CILK1: variants seen among roughly 807,000 people sequenced by gnomAD.
CILK1 encodes serine/threonine-protein kinase ICK.
A neutral mutation model predicts 79.2 loss-of-function variants in CILK1; 47 were observed. The observed-to-expected ratio is 0.59, with a 90% CI of 0.47 to 0.76. CILK1 has a LOEUF of 0.76. CILK1 is among the 30% of genes least tolerant of loss of function. The pLI is 0.00. For synonymous variants in CILK1, 266 were observed against 275.9 expected, an observed-to-expected ratio of 0.96 and a Z score of 0.36; for missense variants, 660 against 769.5, an observed-to-expected ratio of 0.86 and a Z score of 1.68.
At chr6:53,033,656 T>C (rs1011783244) in intron 3 of CILK1, among the ~76,000 whole-genome samples, 1 of 152,130 alleles carries the variant, frequency 6.6e-6, no homozygotes, top group Non-Finnish European at 1.5e-5. Flanking sequence ...AGTCCAATAT[T>C]AAGTTATCTT....
rs190272436 is a variant in CILK1 at position 53,040,692 on chromosome 6, T to C, written c.101+444A>G. Among the ~76,000 whole-genome samples, 94 of 152,312 alleles carry C rather than the reference T, an allele frequency of 6.2e-4. 2 individuals are homozygous for C. Among genetic ancestry groups the C allele is most frequent in the Admixed American group, 5.7e-3 (87 of 15,300 alleles). On this transcript the variant is annotated intron_variant, in intron 2 of 13. Coordinates refer to ENST00000676107, the MANE Select transcript of CILK1 (RefSeq NM_014920.5). ...TTAAACAACTAAGTCTTGGAGTAAA[T>C]TGTTACACAATAACAGATAACTAAT... is the stretch of plus-strand genomic sequence containing the variant.
intron 5 of CILK1, among the ~76,000 whole-genome samples, chr6:53,019,832 G>GTT (rs11308649): frequency 1.1e-4 from 16 of 140,112 alleles, no homozygotes; most frequent in Non-Finnish European, 2.0e-4. Context: ...TAGTTTTTTT[G>GTT]TTTTTTTTTT....
intron 7 of CILK1, among the ~76,000 whole-genome samples, chr6:53,016,940 T>G (rs1442265841): frequency 6.6e-6 from 1 of 152,254 alleles, no homozygotes; most frequent in Non-Finnish European, 1.5e-5. Context: ...CTTTTATCGT[T>G]CATTCACTTG....
intron 5 of CILK1, among the ~76,000 whole-genome samples, chr6:53,026,184 A>C (rs1230438518): frequency 1.3e-5 from 2 of 152,070 alleles, no homozygotes; most frequent in Non-Finnish European, 2.9e-5. Flanking sequence ...TTTTGTTTTG[A>C]GACAGAGTCT....
chr6:53,052,447 T>C (rs1767546864), intron 1 of CILK1, among the ~76,000 whole-genome samples: 1 of 152,034 alleles, frequency 6.6e-6, no homozygotes, highest in South Asian at 2.1e-4. Flanking sequence ...AAATAGGGAA[T>C]TTCGGCAGGG....
chr6:53,027,670 C>T (rs554007287), intron 5 of CILK1, among the ~76,000 whole-genome samples: 19 of 152,274 alleles, frequency 1.2e-4, no homozygotes, highest in African/African-American at 4.6e-4. Flanking sequence ...CAATACCATA[C>T]AAAAACCATT....
At chr6:53,016,390 T>C (rs576383657) in intron 7 of CILK1, 140 bp from the exon 8 acceptor site, 1 of 746,590 alleles carries the variant, frequency 1.3e-6, no homozygotes, top group African/African-American at 1.7e-5. Flanking sequence ...TTCACTACTG[T>C]GGCACTGTAT....
chr6:53,047,790 G>C (rs1021403172), intron 1 of CILK1, among the ~76,000 whole-genome samples: 1 of 151,954 alleles, frequency 6.6e-6, no homozygotes, highest in Non-Finnish European at 1.5e-5. Context: ...CCAAACAAAG[G>C]CACTGGACTG....
At chr6:53,060,107 A>G (rs946984010) in intron 1 of CILK1, among the ~76,000 whole-genome samples, 2 of 152,252 alleles carry the variant, frequency 1.3e-5, no homozygotes, top group Non-Finnish European at 2.9e-5. Context: ...CCACTGTACT[A>G]GGAACCTCAA....
chr6:53,003,811 G>A lies in CILK1; in HGVS notation c.*1338C>T, dbSNP rs1764066219. Reference sequence around the variant, plus strand: ...ATAGAGAGTAGTTTGAGCCCTAGGAGAATATGAATCAATACACTGTTGAGA... The same window carrying A: ...ATAGAGAGTAGTTTGAGCCCTAGGAAAATATGAATCAATACACTGTTGAGA... On this transcript the variant is annotated 3_prime_UTR_variant, in exon 14 of 14. Coordinates refer to ENST00000676107, the MANE Select transcript of CILK1 (RefSeq NM_014920.5). 6.6e-6 allele frequency: 1 copy of A among 152,584 alleles called. No homozygotes were observed. The highest frequency in any genetic ancestry group is 1.9e-4 in the East Asian group (1 of 5,186). The allele number at this position is 152,584 out of a possible 1,614,324, so 9.5% of individuals were successfully genotyped here.
intron 5 of CILK1, among the ~76,000 whole-genome samples, chr6:53,021,699 T>C (rs946769814): frequency 6.6e-6 from 1 of 152,040 alleles, no homozygotes; most frequent in African/African-American, 2.4e-5. Context: ...GCATATATGA[T>C]GGTGGTCTTA....
intron 1 of CILK1, among the ~76,000 whole-genome samples, chr6:53,044,914 A>G (rs541439194): frequency 1.3e-5 from 2 of 152,350 alleles, no homozygotes; most frequent in South Asian, 4.1e-4. Context: ...TGTGAAAAAA[A>G]TAAATTTCTG....
chr6:53,008,217 C>G (rs1030769732), intron 12 of CILK1, among the ~76,000 whole-genome samples: 6 of 151,112 alleles, frequency 4.0e-5, no homozygotes, highest in Non-Finnish European at 8.9e-5. Context: ...ATATATATCT[C>G]TATAATTGCT....
chr6:53,038,840 C>T lies in CILK1; in HGVS notation c.102-847G>A, dbSNP rs371441528. On this transcript the variant is annotated intron_variant, in intron 2 of 13. Transcript: ENST00000676107. Reference sequence around the variant, plus strand: ...CCCTTCATAGAGAAAGTTTGCCAACCCCTGGTCTAGAGCCTCAATGGAGAA... The same window carrying T: ...CCCTTCATAGAGAAAGTTTGCCAACTCCTGGTCTAGAGCCTCAATGGAGAA... Among the ~76,000 whole-genome samples, 14 of 152,232 alleles carry T rather than the reference C, an allele frequency of 9.2e-5. No individual in the cohort carries two copies. The East Asian group carries it at 1.7e-3, about 19-fold the overall frequency.
chr6:53,031,738 T>C (rs1347621849), intron 4 of CILK1, among the ~76,000 whole-genome samples: 3 of 152,224 alleles, frequency 2.0e-5, no homozygotes, highest in Admixed American at 6.5e-5. Flanking sequence ...TCCAGGAAGC[T>C]GTGTCCACCC....
At chr6:53,030,060 T>C (rs1003889069) in intron 5 of CILK1, among the ~76,000 whole-genome samples, 2 of 152,100 alleles carry the variant, frequency 1.3e-5, no homozygotes, top group African/African-American at 4.8e-5. Context: ...TGCTGGAAAA[T>C]AGAACCTCAA....
At chr6:53,050,836 A>T (rs111664082) in intron 1 of CILK1, among the ~76,000 whole-genome samples, 2,885 of 152,112 alleles carry the variant, frequency 0.019, 86 homozygotes, top group African/African-American at 0.063. Flanking sequence ...TCAAAAAAAA[A>T]TTTTTTTTAA....
At chr6:53,027,833 C>G (rs1414569286) in intron 5 of CILK1, among the ~76,000 whole-genome samples, 1 of 152,100 alleles carries the variant, frequency 6.6e-6, no homozygotes. Context: ...GGTGAAAACC[C>G]CATCTCTACT....
At chr6:53,026,770 G>A (rs967978191) in intron 5 of CILK1, among the ~76,000 whole-genome samples, 1 of 152,148 alleles carries the variant, frequency 6.6e-6, no homozygotes, top group Admixed American at 6.5e-5. Flanking sequence ...CAGAGATCAC[G>A]CAACAGCAAA....
Sources: gnomAD v4.1 joint callset for allele counts (sites outside exome capture counted in the v4.1 genomes callset) on GRCh38, gnomAD v4.1.1 for gene constraint, MANE v1.5 for transcripts, NCBI Gene and HGNC (gene_info 2026-07-23, HGNC 2026-07-21) for gene names.